ITGA1: variants seen among roughly 807,000 people sequenced by gnomAD.
The protein encoded by ITGA1 is integrin subunit alpha 1.
In ITGA1, 85 loss-of-function variants were observed where a neutral mutation model predicts 145.9. That is an observed-to-expected ratio of 0.58 (90% CI 0.49 to 0.70). ITGA1 has a LOEUF of 0.70. Among genes scored for constraint, ITGA1 ranks in the 30% least tolerant of loss-of-function variants. The pLI is 0.00. For missense variants in ITGA1, 1,351 were observed against 1,418.7 expected (o/e 0.95, Z 0.77); for synonymous variants, 520 against 495.3 (o/e 1.05, Z -0.66).
At chr5:52,920,786 T>C (rs1750718656) in intron 17 of ITGA1, among the ~76,000 whole-genome samples, 1 of 152,220 alleles carries the variant, frequency 6.6e-6, no homozygotes, top group East Asian at 1.9e-4. Context: ...CATTCATTTA[T>C]TCCTTCAACT....
intron 3 of ITGA1, among the ~76,000 whole-genome samples, chr5:52,861,827 G>A (rs993601241): frequency 2.7e-5 from 4 of 148,906 alleles, no homozygotes; most frequent in South Asian, 2.1e-4. Flanking sequence ...TGGTAATTGC[G>A]CCACTGCACT....
chr5:52,869,751 T>C (rs1221393976), intron 6 of ITGA1, among the ~76,000 whole-genome samples: 1 of 152,230 alleles, frequency 6.6e-6, no homozygotes, highest in Non-Finnish European at 1.5e-5. Flanking sequence ...GAGTCTTTTT[T>C]CTATAACTGG....
rs374097976 is a variant in ITGA1, at chr5:52,915,494, C to T, written c.1888C>T (p.Leu630=). Reference sequence around the variant, plus strand: ...TCCATCAGGTGGGGATGGTAAGACACTGAAATTTTTTGGCCAGTCTATCCA... The same window carrying T: ...TCCATCAGGTGGGGATGGTAAGACATTGAAATTTTTTGGCCAGTCTATCCA... ...RIPSGGDGKT[L]KFFGQSIHGE... is the part of the protein sequence containing the mutation. The change falls in exon 15 of 29, where the codon CTG becomes TTG. Residue 630 remains leucine, a synonymous_variant. Transcript: ENST00000282588. 41 of 1,613,888 alleles carry T rather than the reference C, an allele frequency of 2.5e-5. No individual in the cohort carries two copies. The African/African-American group carries it at 4.5e-4, about 18-fold the overall frequency.
chr5:52,887,936 G>A lies in ITGA1; in HGVS notation c.895G>A (p.Asp299Asn), dbSNP rs199869208. 2.0e-5 allele frequency: 32 copies of A among 1,613,514 alleles called. No homozygotes were observed. Among genetic ancestry groups the A allele is most frequent in the Admixed American group, 5.0e-5 (3 of 59,966 alleles). ...GAAGAAGGTCATCCAAGACTGTGAA[G>A]ATGAAAACATTCAACGGTTTTCCAT... ...RLKKVIQDCE[D>N]ENIQRFSIAI... The change falls in exon 8 of 29, where the codon GAT becomes AAT. Residue 299 changes from aspartate (D) to asparagine (N), a missense_variant. Transcript: ENST00000282588.
At chr5:52,844,139 C>T (rs543362475) in intron 1 of ITGA1, among the ~76,000 whole-genome samples, 1 of 152,138 alleles carries the variant, frequency 6.6e-6, no homozygotes, top group Non-Finnish European at 1.5e-5. Context: ...TTAACTCTTG[C>T]ATATATAGCA....
At chr5:52,858,849 C>A (rs6865246) in intron 2 of ITGA1, among the ~76,000 whole-genome samples, 1,954 of 152,132 alleles carry the variant, frequency 0.013, 43 homozygotes, top group African/African-American at 0.044. Context: ...CTGTTCTAAG[C>A]ATTTTATATA....
chr5:52,944,093 T>A (rs1445617993), intron 26 of ITGA1, among the ~76,000 whole-genome samples: 2 of 152,108 alleles, frequency 1.3e-5, no homozygotes, highest in Non-Finnish European at 2.9e-5. Context: ...TCCTGGCTTG[T>A]GGTCACCTGG....
intron 14 of ITGA1, among the ~76,000 whole-genome samples, chr5:52,913,427 C>A (rs1266547197): frequency 6.6e-6 from 1 of 152,112 alleles, no homozygotes; most frequent in African/African-American, 2.4e-5. Context: ...AAAAATAAAT[C>A]TGAATATTAA....
intron 6 of ITGA1, among the ~76,000 whole-genome samples, chr5:52,868,565 A>AG (rs145458348): frequency 1.5e-3 from 223 of 152,340 alleles, no homozygotes; most frequent in African/African-American, 5.1e-3. Context: ...AGTGGGCAAC[A>AG]TGAAGTTATA....
intron 1 of ITGA1, among the ~76,000 whole-genome samples, chr5:52,795,395 A>T (rs1748321717): frequency 6.6e-6 from 1 of 151,916 alleles, no homozygotes; most frequent in South Asian, 2.1e-4. Flanking sequence ...GAAAATTTAT[A>T]CAGCCCCGAC....
At chr5:52,935,101 A>G (rs1750946579) in intron 23 of ITGA1, among the ~76,000 whole-genome samples, 1 of 152,052 alleles carries the variant, frequency 6.6e-6, no homozygotes, top group African/African-American at 2.4e-5. Context: ...CAGATTTGAA[A>G]TAGGTACTCT....
At chr5:52,847,041 G>A (rs879630882) in intron 1 of ITGA1, among the ~76,000 whole-genome samples, 2 of 152,098 alleles carry the variant, frequency 1.3e-5, no homozygotes, top group Non-Finnish European at 2.9e-5. Context: ...TTAAAAAAAG[G>A]TAAGTAAGAG....
chr5:52,955,350 T>C lies in ITGA1; in HGVS notation c.*2899T>C, dbSNP rs771305875. The stretch of plus-strand genomic sequence containing the variant: ...TGAGACAGATTACACGATAGACAGA[T>C]AGATAGATAGATAGATAGATAGATA... On this transcript the variant is annotated 3_prime_UTR_variant, in exon 29 of 29. Coordinates refer to ENST00000282588, the MANE Select transcript of ITGA1 (RefSeq NM_181501.2). The C allele has an allele frequency of 0.021, 104 of 5,058 alleles. 1 individual carries two copies. Among genetic ancestry groups the C allele is most frequent in the African/African-American group, 0.037 (93 of 2,508 alleles). The allele number at this position is 5,058 out of a possible 1,614,324, so 0.3% of individuals were successfully genotyped here.
intron 1 of ITGA1, chr5:52,803,420 G>A (rs1004618769): frequency 6.6e-6 from 1 of 152,026 alleles, no homozygotes; most frequent in Non-Finnish European, 1.5e-5. Context: ...AAACCTGATT[G>A]TTATTATATT....
chr5:52,940,025 G>A, intron 26 of ITGA1, 81 bp downstream of exon 26: 1 of 826,306 alleles, frequency 1.2e-6, no homozygotes, highest in Non-Finnish European at 2.1e-6. Flanking sequence ...GCAAGGCACT[G>A]TGCTGCTTTT....
intron 28 of ITGA1, among the ~76,000 whole-genome samples, chr5:52,949,111 C>T (rs1419452840): frequency 6.6e-6 from 1 of 151,972 alleles, no homozygotes; most frequent in Non-Finnish European, 1.5e-5. Flanking sequence ...GCTGTCTTAC[C>T]CGGTAGAAAT....
intron 23 of ITGA1, among the ~76,000 whole-genome samples, chr5:52,935,150 A>G (rs957551027): frequency 2.0e-5 from 3 of 152,102 alleles, no homozygotes; most frequent in African/African-American, 7.2e-5. Context: ...ATTGCTAAGA[A>G]TATTCCTGAG....
intron 1 of ITGA1, among the ~76,000 whole-genome samples, chr5:52,845,245 CA>C (rs1205189407): frequency 6.6e-6 from 1 of 152,158 alleles, no homozygotes; most frequent in Non-Finnish European, 1.5e-5. Context: ...AAAAATCCTT[CA>C]GGGGGGTGAA....
intron 14 of ITGA1, among the ~76,000 whole-genome samples, chr5:52,912,402 TGTATTATATATAGTGTATCCACTATAG>T (rs1174274509): frequency 2.1e-5 from 3 of 145,516 alleles, no homozygotes; most frequent in Non-Finnish European, 3.0e-5. Flanking sequence ...ATCCAGTGTA[TGTATTATATATAGTGTATCCACTATAG>T]GTATTATATA....
Sources: gnomAD v4.1 joint callset for allele counts (sites outside exome capture counted in the v4.1 genomes callset) on GRCh38, gnomAD v4.1.1 for gene constraint, MANE v1.5 for transcripts, NCBI Gene and HGNC (gene_info 2026-07-23, HGNC 2026-07-21) for gene names.